Variants in LRRC63 observed in about 807,000 individuals in gnomAD.
LRRC63 encodes the protein leucine-rich repeat-containing protein 63.
Under a neutral mutation model 49.5 loss-of-function variants are expected in LRRC63, and 40 were observed. The observed-to-expected ratio is 0.81, with a 90% confidence interval of 0.63 to 1.05. The LOEUF (loss-of-function observed/expected upper bound fraction) is 1.05, where lower values mean the gene tolerates loss of function less well. LRRC63 is among the 50% of genes least tolerant of loss of function. The probability of loss-of-function intolerance (pLI) is 0.00; values close to 1 mark genes in which losing one functional copy is unlikely to be tolerated. For synonymous variants in LRRC63, 191 were observed against 221.1 expected, an observed-to-expected ratio of 0.86 and a Z score of 1.21; for missense variants, 636 against 663.1, an observed-to-expected ratio of 0.96 and a Z score of 0.45.
At chr13:46,274,015 T>G (rs1050560815) in intron 9 of LRRC63, among the ~76,000 whole-genome samples, 1 of 152,126 alleles carries the variant, frequency 6.6e-6, no homozygotes, top group African/African-American at 2.4e-5. Context: ...GTTTTTTTCT[T>G]CAGGCCTTGA....
At chr13:46,228,135 G>C in exon 3 of LRRC63, 1 of 1,550,248 alleles carries the variant, frequency 6.5e-7, no homozygotes, top group South Asian at 1.2e-5. Context: ...TCCAGGTTTT[G>C]TTTCCTTGCC....
intron 7 of LRRC63, among the ~76,000 whole-genome samples, chr13:46,254,767 A>T (rs1442454294): frequency 6.6e-6 from 1 of 152,202 alleles, no homozygotes; most frequent in African/African-American, 2.4e-5. Flanking sequence ...GGCTTAGCTG[A>T]GACTGGAAAC....
intron 4 of LRRC63, among the ~76,000 whole-genome samples, chr13:46,229,695 G>C (rs1276305267): frequency 6.6e-6 from 1 of 152,200 alleles, no homozygotes; most frequent in Non-Finnish European, 1.5e-5. Context: ...CTGAGGTGGA[G>C]TATCACTTTA....
chr13:46,250,299 A>G, intron 6 of LRRC63, 56 bp from the exon 7 acceptor site: 5 of 1,343,202 alleles, frequency 3.7e-6, no homozygotes, highest in Non-Finnish European at 5.0e-6. Flanking sequence ...GTAACAAATA[A>G]TGATTTGCAT....
chr13:46,276,828 G>GTGTGTATATATATATATATA (rs1175818781), exon 10 of LRRC63: 89 of 138,502 alleles, frequency 6.4e-4, no homozygotes, highest in African/African-American at 2.9e-3. Flanking sequence ...GTATGTGTGT[G>GTGTGTATATATATATATATA]TATATATATA....
intron 7 of LRRC63, among the ~76,000 whole-genome samples, chr13:46,258,439 C>G (rs889328371): frequency 6.6e-6 from 1 of 151,228 alleles, no homozygotes; most frequent in Non-Finnish European, 1.5e-5. Context: ...CTGACCTACT[C>G]TTAACTTCAG....
chr13:46,227,638 A>G, exon 3 of LRRC63: 2 of 1,550,314 alleles, frequency 1.3e-6, no homozygotes, highest in Non-Finnish European at 1.7e-6. Context: ...ATCAATATCC[A>G]AAATATCTTT....
intron 5 of LRRC63, among the ~76,000 whole-genome samples, chr13:46,235,848 G>A (rs1461159315): frequency 1.3e-5 from 2 of 152,088 alleles, no homozygotes; most frequent in East Asian, 1.9e-4. Flanking sequence ...TCTTAAATAT[G>A]TTCAAACTGC....
At chr13:46,272,856 A>T (rs1180292274) in intron 9 of LRRC63, among the ~76,000 whole-genome samples, 2 of 152,248 alleles carry the variant, frequency 1.3e-5, no homozygotes, top group Non-Finnish European at 2.9e-5. Context: ...ATACATACAC[A>T]GTGAGGGTGC....
At chr13:46,225,302 C>A (rs1285227955) in intron 2 of LRRC63, among the ~76,000 whole-genome samples, 1 of 152,170 alleles carries the variant, frequency 6.6e-6, no homozygotes, top group Non-Finnish European at 1.5e-5. Context: ...ACTCCAGATC[C>A]CAGGCATGCA....
intron 5 of LRRC63, among the ~76,000 whole-genome samples, chr13:46,238,083 C>G (rs2046954194): frequency 6.6e-6 from 1 of 152,030 alleles, no homozygotes; most frequent in African/African-American, 2.4e-5. Context: ...GTTAAGGGCT[C>G]AATTCAACAA....
intron 2 of LRRC63, among the ~76,000 whole-genome samples, chr13:46,226,535 G>C (rs2046582014): frequency 6.6e-6 from 1 of 152,152 alleles, no homozygotes; most frequent in Non-Finnish European, 1.5e-5. Flanking sequence ...GAGGTGGATA[G>C]GGGAAGAGTG....
chr13:46,220,478 C>G (rs3940003), intron 2 of LRRC63, among the ~76,000 whole-genome samples: 61,051 of 151,940 alleles, frequency 0.4, 12,861 homozygotes, highest in East Asian at 0.59. Flanking sequence ...TGTCCCAGGT[C>G]GACTTCAGAC....
intron 8 of LRRC63, among the ~76,000 whole-genome samples, chr13:46,263,450 T>C (rs1452829489): frequency 6.6e-6 from 1 of 151,330 alleles, no homozygotes; most frequent in Non-Finnish European, 1.5e-5. Context: ...TTATTAATTT[T>C]GGCATTCTAT....
intron 6 of LRRC63, among the ~76,000 whole-genome samples, chr13:46,249,286 A>G (rs1342296548): frequency 6.6e-6 from 1 of 151,852 alleles, no homozygotes; most frequent in Non-Finnish European, 1.5e-5. Context: ...AAATATTAGT[A>G]CAGAAATTAG....
chr13:46,250,013 C>T lies in LRRC63; in HGVS notation c.1090-342C>T, dbSNP rs542703675. 1.6e-4 allele frequency: 26 copies of T among 159,694 alleles called. No individual in the cohort carries two copies. In the East Asian group the frequency reaches 4.1e-3, roughly 25 times the overall value. The allele number at this position is 159,694 out of a possible 1,614,324, so 9.9% of individuals were successfully genotyped here. ...ACTAAGGTTAATTCCACCTTTCTTC[C>T]TGGTTCTGCAGATACCTCCTTCCTC... On this transcript the variant is annotated intron_variant, in intron 6 of 9. Transcript: ENST00000595396.
chr13:46,222,969 C>A lies in LRRC63; in HGVS notation c.86-4543C>A, dbSNP rs1361711575. Among the ~76,000 whole-genome samples, 7 of 148,166 alleles carry A rather than the reference C, an allele frequency of 4.7e-5. No homozygotes were observed. In the East Asian group the frequency reaches 8.0e-4, roughly 17 times the overall value. ...AGTAAACTATCACAAGGACAAAAAA[C>A]CAAACACGGCATGTTCTCACTCATA... On this transcript the variant is annotated intron_variant, in intron 2 of 9. Coordinates refer to ENST00000595396, the Ensembl canonical transcript of LRRC63.
At chr13:46,236,395 A>AGGG (rs1375750480) in intron 5 of LRRC63, among the ~76,000 whole-genome samples, 1 of 152,180 alleles carries the variant, frequency 6.6e-6, no homozygotes, top group Non-Finnish European at 1.5e-5. Context: ...CAAAAGCCAA[A>AGGG]GTCAAAGAAA....
At chr13:46,260,249 T>A (rs2047592819) in intron 7 of LRRC63, among the ~76,000 whole-genome samples, 1 of 152,188 alleles carries the variant, frequency 6.6e-6, no homozygotes, top group African/African-American at 2.4e-5. Flanking sequence ...AGAAACTGCC[T>A]GAGGCAAGAA....
Sources: gnomAD v4.1 joint callset for allele counts (sites outside exome capture counted in the v4.1 genomes callset) on GRCh38, gnomAD v4.1.1 for gene constraint, MANE v1.5 for transcripts, NCBI Gene and HGNC (gene_info 2026-07-23, HGNC 2026-07-21) for gene names.